Variants in MAD1L1 observed in about 807,000 individuals in gnomAD.
MAD1L1 encodes mitotic spindle assembly checkpoint protein MAD1.
Under a neutral mutation model 96.9 loss-of-function variants are expected in MAD1L1, and 95 were observed. The observed-to-expected ratio is 0.98, with a 90% CI of 0.83 to 1.16. The LOEUF is 1.16. Ranked by LOEUF, MAD1L1 falls within the 50% of genes most tolerant of loss-of-function variation. The pLI is 0.00. For synonymous variants in MAD1L1, 473 were observed against 396.6 expected (o/e 1.19, Z -2.29); for missense variants, 1,007 against 954.4 (o/e 1.06, Z -0.73).
chr7:1,942,093 C>CT, intron 16 of MAD1L1, among the ~76,000 whole-genome samples: 1 of 152,308 alleles, frequency 6.6e-6, no homozygotes, highest in South Asian at 2.1e-4. Flanking sequence ...CCTTTCTTCC[C>CT]TTAGTCCATC....
intron 16 of MAD1L1, among the ~76,000 whole-genome samples, chr7:1,949,917 C>T (rs763675983): frequency 5.3e-5 from 8 of 152,214 alleles, no homozygotes; most frequent in Non-Finnish European, 4.4e-5. Context: ...TTGAGGAGCC[C>T]GGACCCCCCA....
chr7:2,063,667 C>G (rs1387917148), intron 12 of MAD1L1, among the ~76,000 whole-genome samples: 1 of 152,256 alleles, frequency 6.6e-6, no homozygotes, highest in Non-Finnish European at 1.5e-5. Context: ...AACACTCCAG[C>G]AACGTGGGCC....
intron 10 of MAD1L1, among the ~76,000 whole-genome samples, chr7:2,210,942 T>C (rs980167605): frequency 2.0e-5 from 3 of 152,158 alleles, no homozygotes; most frequent in Admixed American, 2.0e-4. Flanking sequence ...CACACGCAGT[T>C]GGGGAGAAGA....
At chr7:2,053,620 C>T (rs989287654) in intron 12 of MAD1L1, among the ~76,000 whole-genome samples, 38 of 152,296 alleles carry the variant, frequency 2.5e-4, no homozygotes, top group African/African-American at 7.7e-4. Flanking sequence ...CCATCTTCCC[C>T]GCACAGCACG....
At chr7:2,096,896 C>T (rs765481259) in intron 11 of MAD1L1, among the ~76,000 whole-genome samples, 2 of 152,138 alleles carry the variant, frequency 1.3e-5, no homozygotes, top group African/African-American at 4.8e-5. Context: ...CGGTGACCCC[C>T]GGCCAGCAGG....
At chr7:2,225,911 C>T (rs936446060) in intron 3 of MAD1L1, among the ~76,000 whole-genome samples, 1 of 152,212 alleles carries the variant, frequency 6.6e-6, no homozygotes, top group Non-Finnish European at 1.5e-5. Flanking sequence ...TCAATGCAGT[C>T]GGCCAGGACA....
At chr7:2,066,913 G>T (rs188671914) in intron 12 of MAD1L1, among the ~76,000 whole-genome samples, 1 of 152,226 alleles carries the variant, frequency 6.6e-6, no homozygotes, top group Non-Finnish European at 1.5e-5. Flanking sequence ...GCTTCCAACC[G>T]CTGGCCTCAC....
intron 12 of MAD1L1, among the ~76,000 whole-genome samples, chr7:2,025,804 CT>C (rs1473585203): frequency 6.6e-6 from 1 of 152,162 alleles, no homozygotes; most frequent in African/African-American, 2.4e-5. Context: ...TTTTATTAGA[CT>C]TTGTTAAGTA....
chr7:1,954,317 G>A (rs1251220432), intron 16 of MAD1L1, among the ~76,000 whole-genome samples: 1 of 152,344 alleles, frequency 6.6e-6, no homozygotes, highest in East Asian at 1.9e-4. Flanking sequence ...ACTAAGGCCA[G>A]GCTGCAGCCA....
chr7:2,017,765 G>A (rs1584094282), intron 12 of MAD1L1, among the ~76,000 whole-genome samples: 1 of 152,200 alleles, frequency 6.6e-6, no homozygotes, highest in South Asian at 2.1e-4. Flanking sequence ...CCCCAAGCAT[G>A]CCGATGATTC....
chr7:2,141,636 T>TCTC (rs1789037825), intron 11 of MAD1L1, among the ~76,000 whole-genome samples: 1 of 151,840 alleles, frequency 6.6e-6, no homozygotes, highest in Non-Finnish European at 1.5e-5. Flanking sequence ...CCCTTCTCTC[T>TCTC]CTCCCTCTAA....
intron 11 of MAD1L1, among the ~76,000 whole-genome samples, chr7:2,130,691 C>CCTCTTAG (rs773610227): frequency 1.8e-4 from 27 of 152,230 alleles, no homozygotes; most frequent in Non-Finnish European, 3.5e-4. Context: ...ACTCTCTCTT[C>CCTCTTAG]CTCTTAGCTC....
chr7:2,065,766 C>G (rs1050767713), intron 12 of MAD1L1, among the ~76,000 whole-genome samples: 1 of 152,210 alleles, frequency 6.6e-6, no homozygotes, highest in Admixed American at 6.5e-5. Flanking sequence ...CTGCTCCCCC[C>G]AAGCCTGGGG....
intron 12 of MAD1L1, among the ~76,000 whole-genome samples, chr7:2,030,194 G>A (rs1044729783): frequency 4.6e-5 from 7 of 152,282 alleles, no homozygotes; most frequent in African/African-American, 1.7e-4. Context: ...TGTCCGCTAC[G>A]CCCCGCCCCG....
intron 13 of MAD1L1, among the ~76,000 whole-genome samples, chr7:2,007,673 C>T (rs1782095896): frequency 6.6e-6 from 1 of 152,140 alleles, no homozygotes; most frequent in African/African-American, 2.4e-5. Flanking sequence ...GACTCTGTCC[C>T]CACACTGTCC....
At chr7:1,983,131 GAC>G (rs1562582798) in intron 14 of MAD1L1, among the ~76,000 whole-genome samples, 10 of 24,900 alleles carry the variant, frequency 4.0e-4, no homozygotes, top group Non-Finnish European at 7.1e-4. Context: ...CACACCCACA[GAC>G]GCGCGCGCGC....
At chr7:1,914,781 T>TTATTAG (rs1301983666) in intron 17 of MAD1L1, among the ~76,000 whole-genome samples, 1 of 151,318 alleles carries the variant, frequency 6.6e-6, no homozygotes, top group East Asian at 1.9e-4. Flanking sequence ...ACCCGGCTAA[T>TTATTAG]TATTATTATT....
At chr7:1,960,768 G>C (rs1319495257) in intron 15 of MAD1L1, among the ~76,000 whole-genome samples, 2 of 152,068 alleles carry the variant, frequency 1.3e-5, no homozygotes, top group Non-Finnish European at 2.9e-5. Context: ...GGAGGACAAG[G>C]ACCACATGAT....
At chr7:2,025,924 T>C (rs931462008) in intron 12 of MAD1L1, among the ~76,000 whole-genome samples, 1 of 152,150 alleles carries the variant, frequency 6.6e-6, no homozygotes, top group Non-Finnish European at 1.5e-5. Flanking sequence ...TTAAGATGTT[T>C]TCATAAAAAA....
Sources: gnomAD v4.1 joint callset for allele counts (sites outside exome capture counted in the v4.1 genomes callset) on GRCh38, gnomAD v4.1.1 for gene constraint, MANE v1.5 for transcripts, NCBI Gene and HGNC (gene_info 2026-07-23, HGNC 2026-07-21) for gene names.